TTN: variants seen among roughly 807,000 people sequenced by gnomAD.
TTN encodes connectin.
Under a neutral mutation model 3,223.0 loss-of-function variants are expected in TTN, and 1,525 were observed. The observed-to-expected ratio is 0.47, with a 90% CI of 0.45 to 0.49. The LOEUF is 0.49. Among genes scored for constraint, TTN ranks in the 20% least tolerant of loss-of-function variants. The probability of loss-of-function intolerance (pLI) is 0.00; values close to 1 mark genes in which losing one functional copy is unlikely to be tolerated. For synonymous variants in TTN, 14,094 were observed against 15,161.0 expected (o/e 0.93, Z 5.17); for missense variants, 40,786 against 43,424.0 (o/e 0.94, Z 5.40).
In TTN at chr2:178,633,237, C is replaced by T; in HGVS notation, c.43036G>A (p.Asp14346Asn). Residue 14346 changes from aspartate (D) to asparagine (N), a missense_variant, in exon 233 of 363, where the codon GAT becomes AAT. By Grantham distance (23) the Asp-to-Asn change is conservative. Coordinates refer to ENST00000589042, the MANE Select transcript of TTN (RefSeq NM_001267550.2). The stretch of plus-strand genomic sequence containing the variant: ...TTCAGCTTCCACTGGCCGTGAACAT[C>T]AGGTTCAGAAAGTTCAATTTCAAAG... ...AHFEIELSEP[D>N]VHGQWKLKGQ... is the part of the protein sequence containing the mutation. The T allele has an allele frequency of 5.0e-6, 8 of 1,613,238 alleles. No individual in the cohort carries two copies. Among genetic ancestry groups the T allele is most frequent in the Non-Finnish European group, 6.8e-6 (8 of 1,179,480 alleles).
chr2:178,649,511 C>T, intron 212 of TTN, 43 bp downstream of exon 212: 2 of 1,525,568 alleles, frequency 1.3e-6, no homozygotes, highest in Non-Finnish European at 8.9e-7. Flanking sequence ...TTTAAGATAT[C>T]AGAATACTTT....
At chr2:178,798,119 A>T (rs921877148) in intron 6 of TTN, among the ~76,000 whole-genome samples, 21 of 151,964 alleles carry the variant, frequency 1.4e-4, no homozygotes, top group African/African-American at 4.3e-4. Context: ...GTATTTTTCT[A>T]TTCATTTACC....
chr2:178,628,308 A>T (rs1397857805), intron 240 of TTN, among the ~76,000 whole-genome samples: 3 of 152,064 alleles, frequency 2.0e-5, no homozygotes, highest in Non-Finnish European at 4.4e-5. Flanking sequence ...TTTTAATTAT[A>T]TTCCTTTAAG....
chr2:178,641,338 A>G (rs377428921), intron 219 of TTN, 23 bp from the exon 220 acceptor site: 4 of 1,331,518 alleles, frequency 3.0e-6, no homozygotes, highest in Non-Finnish European at 4.1e-6. Flanking sequence ...AAAGGTTTAT[A>G]TGTAAACCAA....
At position 178,783,783 on chromosome 2, in the gene TTN, T is replaced by C. The variant is rs886038714; in HGVS notation, c.2778A>G (p.Val926=). 1.2e-6 allele frequency: 2 copies of C among 1,613,174 alleles called. No individual in the cohort carries two copies. The highest frequency in any genetic ancestry group is 1.3e-5 in the African/African-American group (1 of 74,852). The change falls in exon 17 of 363, where the codon GTA becomes GTG. Residue 926 remains valine (V), a splice_region_variant and synonymous_variant. Transcript: ENST00000589042. ...FEVLHGREAK[V]TETARVPAPV... ...GTGCTGGTACTCTTGCTGTTTCTGTTACCTAGATTTTTACAAATTATATTA... is the reference window on the plus strand; with the variant it reads ...GTGCTGGTACTCTTGCTGTTTCTGTCACCTAGATTTTTACAAATTATATTA...
chr2:178,685,305 A>C lies in TTN; in HGVS notation c.32418T>G (p.Ile10806Met), dbSNP rs1263173669. Reference protein sequence around the residue: ...AEVTERQEKKIVLKPKIPAKI... With the variant: ...AEVTERQEKKMVLKPKIPAKI... ...TAGCAGGAATTTTTGGTTTCAGTAC[A>C]ATTTTCTTCTCCTGCCTCTCTGTCA... The change falls in exon 129 of 363, where the codon ATT becomes ATG. Residue 10806 changes from isoleucine to methionine, a missense_variant. Coordinates refer to ENST00000589042, the MANE Select transcript of TTN (RefSeq NM_001267550.2). 6.4e-7 allele frequency: 1 copy of C among 1,552,096 alleles called. No individual in the cohort carries two copies. The highest frequency in any genetic ancestry group is 8.7e-7 in the Non-Finnish European group (1 of 1,147,452).
intron 127 of TTN, among the ~76,000 whole-genome samples, chr2:178,686,728 G>C (rs944124138): frequency 3.3e-5 from 5 of 152,168 alleles, no homozygotes; most frequent in Non-Finnish European, 5.9e-5. Context: ...GTTAAATAAG[G>C]AATAGAAGTG....
chr2:178,570,327 G>A lies in TTN; in HGVS notation c.75805C>T (p.Leu25269Phe), dbSNP rs774210794. 1.9e-6 allele frequency: 3 copies of A among 1,613,170 alleles called. No homozygotes were observed. Among genetic ancestry groups the A allele is most frequent in the East Asian group, 4.5e-5 (2 of 44,716 alleles). The change falls in exon 326 of 363, where the codon CTT (leucine) becomes TTT (phenylalanine). Residue 25269 changes from leucine (L) to phenylalanine (F), a missense_variant. By Grantham distance (22) the Leu-to-Phe change is conservative (BLOSUM62 0). Coordinates refer to ENST00000589042, the MANE Select transcript of TTN (RefSeq NM_001267550.2). Reference sequence around the variant, plus strand: ...AAAGTATATTCATTGCCTTCAAGAAGCTTAGTAACCTTGCAGCTGAGAGTC... The same window carrying A: ...AAAGTATATTCATTGCCTTCAAGAAACTTAGTAACCTTGCAGCTGAGAGTC... ...VQTLSCKVTKLLEGNEYTFRI... is the reference protein window; with the variant it reads ...VQTLSCKVTKFLEGNEYTFRI...
In TTN at chr2:178,776,487, T is replaced by A; in HGVS notation, c.5377A>T (p.Ile1793Phe). Reference protein sequence around the residue: ...YGTDHTSATLIVKDEKSLVEE... With the variant: ...YGTDHTSATLFVKDEKSLVEE... ...ACAAGACTTTTCTCATCTTTAACAA[T>A]AAGGGTAGCAGATGTGTGATCTGTT... Residue 1793 changes from isoleucine to phenylalanine, a missense_variant, in exon 28 of 363, where the codon ATT becomes TTT. Physicochemically the swap from Ile to Phe is conservative, Grantham distance 21. Transcript: ENST00000589042. 1 of 1,608,212 alleles carries A rather than the reference T, an allele frequency of 6.2e-7. No homozygotes were observed. Among genetic ancestry groups the A allele is most frequent in the Non-Finnish European group, 8.5e-7 (1 of 1,179,982 alleles).
chr2:178,565,220 T>C lies in TTN; in HGVS notation c.80912A>G (p.Glu26971Gly), dbSNP rs1705272936. Reference sequence around the variant, plus strand: ...TGGGCCAACTGGAGGTCCAGGCTTTTCTAAAACGATAACACTGAGATTTTC... The same window carrying C: ...TGGGCCAACTGGAGGTCCAGGCTTTCCTAAAACGATAACACTGAGATTTTC... ...ATENLSVIVL[E>G]KPGPPVGPVR... Residue 26971 changes from glutamate (E) to glycine (G), a missense_variant, in exon 326 of 363, where the codon GAA becomes GGA. Glu to Gly is a moderately conservative substitution (Grantham distance 98). Coordinates refer to ENST00000589042, the MANE Select transcript of TTN (RefSeq NM_001267550.2). The C allele has an allele frequency of 1.9e-6, 3 of 1,613,576 alleles. No homozygotes were observed. The South Asian group carries it at 3.3e-5, about 18-fold the overall frequency.
At chr2:178,684,622 CA>C (rs754564738) in intron 131 of TTN, 43 bp downstream of exon 131, 45 of 1,567,012 alleles carry the variant, frequency 2.9e-5, no homozygotes, top group Non-Finnish European at 3.6e-5. Flanking sequence ...GAAAGAAAGA[CA>C]AGCCATATGT....
rs775150547 is a variant in TTN, at chr2:178,539,138, A to G, written c.98797T>C (p.Tyr32933His). The change falls in exon 353 of 363, where the codon TAC (tyrosine) becomes CAC (histidine). Residue 32933 changes from tyrosine (Y) to histidine (H), a missense_variant. Physicochemically the swap from Tyr to His is moderately conservative, Grantham distance 83 (BLOSUM62 2). Transcript: ENST00000589042. ...GTGGATGTCTCTTTGCGTTCGATGTAGTAGCCTGTGACTCTAGAACCACCA... is the reference window on the plus strand; with the variant it reads ...GTGGATGTCTCTTTGCGTTCGATGTGGTAGCCTGTGACTCTAGAACCACCA... ...DDGGSRVTGY[Y>H]IERKETSTDK... The G allele has an allele frequency of 3.7e-6, 6 of 1,613,646 alleles. No individual in the cohort carries two copies. In the African/African-American group the frequency reaches 8.0e-5, roughly 22 times the overall value.
intron 223 of TTN, among the ~76,000 whole-genome samples, chr2:178,638,211 T>C (rs2060743978): frequency 6.6e-6 from 1 of 151,754 alleles, no homozygotes; most frequent in Admixed American, 6.6e-5. Context: ...ACACAAATAT[T>C]AAAAATTAAA....
chr2:178,793,399 T>G lies in TTN; in HGVS notation c.1536+5A>C, dbSNP rs1278814844. ...AGTGAATTTAAAATACAAACCCATT[T>G]TCACCTGCTCATGAGTTACGTGCAT... On this transcript the variant is annotated splice_donor_5th_base_variant and intron_variant, in intron 9 of 362. Transcript: ENST00000589042. 1 of 1,614,038 alleles carries G rather than the reference T, an allele frequency of 6.2e-7. No homozygotes were observed. The highest frequency in any genetic ancestry group is 1.3e-5 in the African/African-American group (1 of 75,030).
intron 71 of TTN, 195 bp from the exon 72 acceptor site, chr2:178,724,733 TCA>T: frequency 3.7e-6 from 2 of 541,972 alleles, no homozygotes; most frequent in Non-Finnish European, 5.6e-6. Context: ...TTTTTTCTTT[TCA>T]GTTTTTTCTT....
At position 178,710,674 on chromosome 2, in the gene TTN, C is replaced by G. The variant is rs754971247; in HGVS notation, c.28423G>C (p.Val9475Leu). The G allele has an allele frequency of 1.2e-6, 2 of 1,613,034 alleles. No individual in the cohort carries two copies. Among genetic ancestry groups the G allele is most frequent in the Admixed American group, 3.3e-5 (2 of 60,020 alleles). ...TGAGCTGTGCAAGAGTCTTTTCCCACTTCATTCACAGCATAGCAGGTATAT... is the reference window on the plus strand; with the variant it reads ...TGAGCTGTGCAAGAGTCTTTTCCCAGTTCATTCACAGCATAGCAGGTATAT... ...GQYTCYAVNE[V>L]GKDSCTAQLN... is the part of the protein sequence containing the mutation. Residue 9475 changes from valine to leucine, a missense_variant, in exon 98 of 363, where the codon GTG (valine) becomes CTG (leucine). By Grantham distance (32) the Val-to-Leu change is conservative. Coordinates refer to ENST00000589042, the MANE Select transcript of TTN (RefSeq NM_001267550.2).
In TTN at chr2:178,605,011, G is replaced by A. The variant is rs768431507; in HGVS notation, c.54166C>T (p.Arg18056Ter). 1.2e-6 allele frequency: 2 copies of A among 1,600,382 alleles called. No homozygotes were observed. Among genetic ancestry groups the A allele is most frequent in the African/African-American group, 1.3e-5 (1 of 74,392 alleles). ...TASNRLGSVF[R>*]NVHVEVYDRP... Reference sequence around the variant, plus strand: ...CCATATACTTCAACGTGAACATTTCGGAACACTGAGCCAAGGCGATTGGAA... The same window carrying A: ...CCATATACTTCAACGTGAACATTTCAGAACACTGAGCCAAGGCGATTGGAA... Residue 18056 changes from arginine to a stop codon, truncating the protein, a stop_gained, in exon 280 of 363, where the codon CGA becomes TGA. Coordinates refer to ENST00000589042, the MANE Select transcript of TTN (RefSeq NM_001267550.2). LOFTEE classifies it high-confidence loss of function.
In TTN at chr2:178,689,296, G is replaced by A. The variant is rs945424720; in HGVS notation, c.32005C>T (p.Pro10669Ser). The A allele has an allele frequency of 6.2e-7, 1 of 1,611,384 alleles. No homozygotes were observed. Among genetic ancestry groups the A allele is most frequent in the Non-Finnish European group, 8.5e-7 (1 of 1,179,310 alleles). The part of the protein sequence containing the change: ...PRKEEEVPPP[P>S]KVPALPKKPV... ...GAAGATGGAGAAACAATACCTTTTG[G>A]TGGTGGTGGAACTTCTTCCTCCTTC... Residue 10669 changes from proline (P) to serine (S), a missense_variant, in exon 124 of 363, where the codon CCA becomes TCA. Coordinates refer to ENST00000589042, the MANE Select transcript of TTN (RefSeq NM_001267550.2).
Position 178,567,376 on chromosome 2 carries a change from A to G in TTN, c.78756T>C (p.Ile26252=), listed in dbSNP as rs372319281. 1.3e-5 allele frequency: 21 copies of G among 1,594,718 alleles called. No homozygotes were observed. The highest frequency in any genetic ancestry group is 1.6e-5 in the Non-Finnish European group (19 of 1,172,644). Residue 26252 remains isoleucine (I), a synonymous_variant, in exon 326 of 363, where the codon ATT becomes ATC. Transcript: ENST00000589042. ...CATCAATTCTAATTGCATCTTTTAC[A>G]ATAAGTAAAGCCTTGAAATCTGTGT... ...IKNTDFKALL[I]VKDAIRIDGG...
Sources: gnomAD v4.1 joint callset for allele counts (sites outside exome capture counted in the v4.1 genomes callset) on GRCh38, gnomAD v4.1.1 for gene constraint, MANE v1.5 for transcripts, NCBI Gene and HGNC (gene_info 2026-07-23, HGNC 2026-07-21) for gene names.